The following ORC3 variants were observed in gnomAD, a reference collection of about 807,000 sequenced individuals.
The protein encoded by ORC3 is origin recognition complex subunit 3, also known as homolog of latheo, Drosophila.
ORC3 carries 78 observed loss-of-function variants against 100.7 expected under a neutral mutation model. The observed-to-expected ratio is 0.77, with a 90% confidence interval of 0.65 to 0.94. ORC3 has a LOEUF of 0.94. Among genes scored for constraint, ORC3 ranks in the 40% least tolerant of loss-of-function variants. ORC3 has a pLI of 0.00. For missense variants in ORC3, 789 were observed against 823.9 expected (o/e 0.96, Z 0.52); for synonymous variants, 295 against 289.3 (o/e 1.02, Z -0.20).
Position 87,665,805 on chromosome 6 carries a change from A to G in ORC3, c.2002A>G (p.Thr668Ala), listed in dbSNP as rs1470216521. The G allele has an allele frequency of 1.9e-6, 3 of 1,610,830 alleles. No individual in the cohort carries two copies. The change falls in exon 19 of 20, where the codon ACC becomes GCC. Residue 668 changes from threonine (T) to alanine (A), a missense_variant. By Grantham distance (58) the Thr-to-Ala change is moderately conservative. Coordinates refer to ENST00000392844, the MANE Select transcript of ORC3 (RefSeq NM_012381.4). ...AAEKMDANSA[T>A]SEEMNEIIHA... Reference sequence around the variant, plus strand: ...TGAAAAAATGGATGCAAATTCTGCAACCTCAGAAGAAATGAATGAAATTAT... The same window carrying G: ...TGAAAAAATGGATGCAAATTCTGCAGCCTCAGAAGAAATGAATGAAATTAT...
At chr6:87,643,909 T>C (rs1482395171) in intron 13 of ORC3, among the ~76,000 whole-genome samples, 1 of 151,966 alleles carries the variant, frequency 6.6e-6, no homozygotes, top group East Asian at 1.9e-4. Context: ...CTTAATACAA[T>C]ATAAATGCTA....
intron 13 of ORC3, among the ~76,000 whole-genome samples, chr6:87,646,866 C>T (rs189815940): frequency 1.3e-5 from 2 of 152,312 alleles, no homozygotes; most frequent in East Asian, 3.9e-4. Context: ...ATCCAATACA[C>T]ACCTCAAAGT....
At chr6:87,647,965 C>T (rs567220115) in intron 13 of ORC3, among the ~76,000 whole-genome samples, 2 of 152,208 alleles carry the variant, frequency 1.3e-5, no homozygotes, top group African/African-American at 4.8e-5. Context: ...TTTGGGAGGC[C>T]GAGGCAGGCA....
chr6:87,672,396 G>A (rs1770853853), downstream of ORC3, among the ~76,000 whole-genome samples: 1 of 152,176 alleles, frequency 6.6e-6, no homozygotes, highest in Non-Finnish European at 1.5e-5. Flanking sequence ...AGTAGAGAGA[G>A]GAGAGGACTG....
At chr6:87,594,820 T>G (rs1472444909) in intron 2 of ORC3, among the ~76,000 whole-genome samples, 1 of 152,140 alleles carries the variant, frequency 6.6e-6, no homozygotes, top group Non-Finnish European at 1.5e-5. Flanking sequence ...ATGGGGGAAA[T>G]GTTATTTAGA....
At chr6:87,598,894 G>A (rs9450756) in intron 2 of ORC3, among the ~76,000 whole-genome samples, 49,072 of 151,974 alleles carry the variant, frequency 0.32, 8,027 homozygotes, top group Admixed American at 0.41. Flanking sequence ...ACTTGGGCAC[G>A]TAATTAAGAC....
At chr6:87,594,681 T>G (rs1450972856) in intron 2 of ORC3, 1 of 504,392 alleles carries the variant, frequency 2.0e-6, no homozygotes, top group Non-Finnish European at 2.8e-6. Flanking sequence ...TCTTTTTGAT[T>G]ACTTCTCTGC....
Position 87,644,045 on chromosome 6 carries a change from A to G in ORC3, c.1382+7559A>G, listed in dbSNP as rs946044880. ...AATCCAAGGTTGATTGAATCCACCAATGTGGGACCCACAGATACAGATGGC... is the reference window on the plus strand; with the variant it reads ...AATCCAAGGTTGATTGAATCCACCAGTGTGGGACCCACAGATACAGATGGC... On this transcript the variant is annotated intron_variant, in intron 13 of 19. Coordinates refer to ENST00000392844, the MANE Select transcript of ORC3 (RefSeq NM_012381.4). Among the ~76,000 whole-genome samples, 3 of 143,280 alleles carry G rather than the reference A, an allele frequency of 2.1e-5. No individual in the cohort carries two copies. In the East Asian group the frequency reaches 6.2e-4, roughly 30 times the overall value. The allele number at this position is 143,280 out of a possible 152,430, so 94.0% of individuals were successfully genotyped here.
At chr6:87,602,898 ATATATAT>A (rs202127798) in intron 3 of ORC3, among the ~76,000 whole-genome samples, 7 of 91,210 alleles carry the variant, frequency 7.7e-5, no homozygotes, top group Admixed American at 4.0e-4. Flanking sequence ...CATATATCAT[ATATATAT>A]TATATATTAT....
At position 87,664,603 on chromosome 6, in the gene ORC3, A is replaced by T. The variant is rs549931602; in HGVS notation, c.1834-140A>T. 20 of 654,212 alleles carry T rather than the reference A, an allele frequency of 3.1e-5. No homozygotes were observed. The Admixed American group carries it at 3.5e-4, about 11-fold the overall frequency. The allele number at this position is 654,212 out of a possible 1,614,324, so 40.5% of individuals were successfully genotyped here. ...TAAACAAGAACTAGCTAACTATTGA[A>T]TAGACTCACTCACTAAATAAGGGAA... is the stretch of plus-strand genomic sequence containing the variant. On this transcript the variant is annotated intron_variant, in intron 17 of 19. Coordinates refer to ENST00000392844, the MANE Select transcript of ORC3 (RefSeq NM_012381.4).
chr6:87,645,443 G>A (rs1273553894), intron 13 of ORC3, among the ~76,000 whole-genome samples: 2 of 152,136 alleles, frequency 1.3e-5, no homozygotes, highest in African/African-American at 4.8e-5. Context: ...GTTAGTCTTT[G>A]AATAAGACAA....
intron 3 of ORC3, among the ~76,000 whole-genome samples, chr6:87,602,986 A>G (rs1583013896): frequency 1.0e-5 from 1 of 97,390 alleles, no homozygotes; most frequent in South Asian, 3.1e-4. Flanking sequence ...TATATATACA[A>G]TTTTTTTTTT....
the ORC3 span, among the ~76,000 whole-genome samples, chr6:87,673,717 G>A: frequency 8.6e-5 from 13 of 151,134 alleles, no homozygotes; most frequent in African/African-American, 2.7e-4. Flanking sequence ...GGTGCATGCC[G>A]GTAGTCCCAG....
chr6:87,590,549 G>A (rs559191472), intron 1 of ORC3, among the ~76,000 whole-genome samples: 42 of 152,312 alleles, frequency 2.8e-4, no homozygotes, highest in African/African-American at 9.1e-4. Flanking sequence ...AGTTTCTGCA[G>A]TCAAGAAAGT....
chr6:87,597,595 A>G (rs1447820309), intron 2 of ORC3, among the ~76,000 whole-genome samples: 1 of 152,118 alleles, frequency 6.6e-6, no homozygotes, highest in Non-Finnish European at 1.5e-5. Context: ...TGAAAAAATG[A>G]ACTATGCCAC....
intron 13 of ORC3, among the ~76,000 whole-genome samples, chr6:87,639,765 A>C (rs1768090868): frequency 6.7e-6 from 1 of 148,614 alleles, no homozygotes; most frequent in Non-Finnish European, 1.5e-5. Context: ...GGATCACTTG[A>C]GCTCAAGAGT....
intron 3 of ORC3, 83 bp from the exon 4 acceptor site, chr6:87,603,301 C>T: frequency 1.4e-6 from 1 of 694,904 alleles, no homozygotes; most frequent in Non-Finnish European, 2.2e-6. Context: ...ATCATTGAAT[C>T]CATGACAATT....
the ORC3 span, among the ~76,000 whole-genome samples, chr6:87,672,984 T>C: frequency 6.6e-6 from 1 of 151,952 alleles, no homozygotes; most frequent in East Asian, 1.9e-4. Flanking sequence ...ATTTCAGGGA[T>C]TTGGGGAATT....
intron 11 of ORC3, among the ~76,000 whole-genome samples, chr6:87,629,760 T>C (rs1767246337): frequency 6.6e-6 from 1 of 152,140 alleles, no homozygotes; most frequent in Non-Finnish European, 1.5e-5. Flanking sequence ...TATATACATG[T>C]GTACCTATTA....
Sources: allele counts gnomAD v4.1 joint callset (sites outside exome capture counted in the v4.1 genomes callset), GRCh38; gene constraint gnomAD v4.1.1; transcripts MANE v1.5; gene names NCBI Gene and HGNC (gene_info 2026-07-23, HGNC 2026-07-21).